Variants in RCAN1 observed in about 807,000 individuals in gnomAD.
RCAN1 encodes regulator of calcineurin 1.
In RCAN1, 11 loss-of-function variants were observed where a neutral mutation model predicts 22.9. That is an observed-to-expected ratio of 0.48 (90% CI 0.30 to 0.79). The LOEUF is 0.79. Ranked by LOEUF, RCAN1 falls within the 30% of genes least tolerant of loss-of-function variation. The pLI, the probability that RCAN1 is intolerant of heterozygous loss-of-function variation, is 0.06. For missense variants in RCAN1, 291 were observed against 337.8 expected (o/e 0.86, Z 1.09); for synonymous variants, 136 against 142.3 (o/e 0.96, Z 0.32).
intron 2 of RCAN1, 21 bp downstream of exon 2, chr21:34,523,516 A>G (rs763578582): frequency 6.2e-7 from 1 of 1,612,084 alleles, no homozygotes; most frequent in East Asian, 2.2e-5. Flanking sequence ...AGAAGCATGC[A>G]TAGCAATGAA....
intron 1 of RCAN1, among the ~76,000 whole-genome samples, chr21:34,569,743 A>G (rs544601073): frequency 1.3e-5 from 2 of 152,356 alleles, no homozygotes; most frequent in African/African-American, 2.4e-5. Context: ...GTGTTTATAT[A>G]TATCATCTTA....
chr21:34,548,305 G>T (rs1293950557), intron 1 of RCAN1, among the ~76,000 whole-genome samples: 1 of 152,058 alleles, frequency 6.6e-6, no homozygotes, highest in Non-Finnish European at 1.5e-5. Flanking sequence ...CATTACTTTT[G>T]CTTTCAAAGT....
Position 34,614,597 on chromosome 21 carries a change from C to T in RCAN1, c.252+163G>A, listed in dbSNP as rs1988767703. Among the ~76,000 whole-genome samples, 1 of 151,714 alleles carries T rather than the reference C, an allele frequency of 6.6e-6. No individual in the cohort carries two copies. The highest frequency in any genetic ancestry group is 1.5e-5 in the Non-Finnish European group (1 of 67,858). On this transcript the variant is annotated intron_variant, in intron 1 of 3. Transcript: ENST00000313806. The surrounding 1 kb of genome is among the most constrained non-coding windows in gnomAD (Gnocchi z 6.0). The stretch of plus-strand genomic sequence containing the variant: ...GGGACCGGGACCCTCGGGGCGCCGT[C>T]CCCACGCCCCAGCCCTGACGGGTCC...
chr21:34,533,918 C>T (rs1243985372), intron 1 of RCAN1, among the ~76,000 whole-genome samples: 1 of 152,140 alleles, frequency 6.6e-6, no homozygotes, highest in Non-Finnish European at 1.5e-5. Context: ...ATCTGGCATG[C>T]TGCAAGCCCA....
intron 1 of RCAN1, among the ~76,000 whole-genome samples, chr21:34,594,960 C>T (rs1370468965): frequency 1.3e-5 from 2 of 152,184 alleles, no homozygotes; most frequent in African/African-American, 4.8e-5. Flanking sequence ...TCAAACCTTG[C>T]CCCCTCCTCC....
chr21:34,548,148 G>A (rs375703378), intron 1 of RCAN1, among the ~76,000 whole-genome samples: 43 of 152,276 alleles, frequency 2.8e-4, no homozygotes, highest in African/African-American at 9.4e-4. Flanking sequence ...ATAGCAGCCC[G>A]AGCAGATGAA....
At chr21:34,562,637 AC>A (rs1986835004) in intron 1 of RCAN1, among the ~76,000 whole-genome samples, 1 of 152,216 alleles carries the variant, frequency 6.6e-6, no homozygotes, top group African/African-American at 2.4e-5. Context: ...TCCATTGTCA[AC>A]GGTGGTATCA....
intron 1 of RCAN1, among the ~76,000 whole-genome samples, chr21:34,578,822 C>G (rs1408076895): frequency 2.0e-5 from 3 of 152,248 alleles, no homozygotes; most frequent in African/African-American, 7.2e-5. Flanking sequence ...AGTGGGTCCT[C>G]CTGGCCACTC....
intron 1 of RCAN1, among the ~76,000 whole-genome samples, chr21:34,595,601 G>A (rs1036851473): frequency 3.9e-5 from 6 of 152,210 alleles, no homozygotes; most frequent in African/African-American, 9.6e-5. Context: ...TGCAGGAGCC[G>A]TGCTGAGAAA....
At chr21:34,573,054 C>T (rs563263734) in intron 1 of RCAN1, among the ~76,000 whole-genome samples, 1 of 152,160 alleles carries the variant, frequency 6.6e-6, no homozygotes, top group African/African-American at 2.4e-5. Flanking sequence ...TATCTGGACT[C>T]TCCTCCTAGA....
At chr21:34,595,902 C>T (rs1464151789) in intron 1 of RCAN1, among the ~76,000 whole-genome samples, 1 of 152,218 alleles carries the variant, frequency 6.6e-6, no homozygotes, top group African/African-American at 2.4e-5. Context: ...CTGGGGGTCC[C>T]CCACACAGTC....
At chr21:34,605,802 C>T (rs1052410353) in intron 1 of RCAN1, among the ~76,000 whole-genome samples, 39 of 151,932 alleles carry the variant, frequency 2.6e-4, no homozygotes, top group Non-Finnish European at 1.2e-4. Flanking sequence ...CACCTGTAAT[C>T]CCAGCTATTC....
At chr21:34,532,606 A>G (rs1985449453) in intron 1 of RCAN1, among the ~76,000 whole-genome samples, 1 of 152,254 alleles carries the variant, frequency 6.6e-6, no homozygotes, top group Non-Finnish European at 1.5e-5. Context: ...TCTTCCTGTC[A>G]CTGTCATCCA....
At chr21:34,532,363 C>T (rs922512384) in intron 1 of RCAN1, among the ~76,000 whole-genome samples, 1 of 152,190 alleles carries the variant, frequency 6.6e-6, no homozygotes, top group Non-Finnish European at 1.5e-5. Flanking sequence ...ATGTTTGTCA[C>T]CCCAAACCCA....
intron 1 of RCAN1, among the ~76,000 whole-genome samples, chr21:34,575,466 A>G (rs942430118): frequency 2.0e-5 from 3 of 152,208 alleles, no homozygotes; most frequent in Non-Finnish European, 4.4e-5. Context: ...AGCCCGGAGA[A>G]TTGATGACTA....
chr21:34,526,616 T>C, intron 1 of RCAN1: 3 of 1,582,404 alleles, frequency 1.9e-6, no homozygotes, highest in Non-Finnish European at 2.6e-6. Flanking sequence ...CCAGTTAGCA[T>C]AATGCTTTGA....
intron 1 of RCAN1, among the ~76,000 whole-genome samples, chr21:34,563,770 A>AAAAAAAATAT (rs1555863394): frequency 4.6e-5 from 3 of 65,436 alleles, no homozygotes; most frequent in African/African-American, 2.1e-4. Flanking sequence ...AAAAAAAAAA[A>AAAAAAAATAT]ATATATATAT....
chr21:34,570,385 A>G (rs1987192973), intron 1 of RCAN1, among the ~76,000 whole-genome samples: 1 of 152,258 alleles, frequency 6.6e-6, no homozygotes, highest in South Asian at 2.1e-4. Context: ...AGCTTTCGTT[A>G]CTTACCAGTG....
intron 1 of RCAN1, among the ~76,000 whole-genome samples, chr21:34,528,877 A>G (rs771474572): frequency 6.6e-6 from 1 of 152,162 alleles, no homozygotes; most frequent in Non-Finnish European, 1.5e-5. Context: ...TTGTGGGCAA[A>G]TCTCAAACAT....
Sources: allele counts gnomAD v4.1 joint callset (sites outside exome capture counted in the v4.1 genomes callset), GRCh38; gene constraint gnomAD v4.1.1; non-coding constraint Gnocchi (gnomAD v3.1); transcripts MANE v1.5; gene names NCBI Gene and HGNC (gene_info 2026-07-23, HGNC 2026-07-21).